Variants in PDZD8 observed in about 807,000 individuals in gnomAD.
PDZD8 encodes PDZ domain containing 8, also known as PDZ domain-containing protein 8.
Under a neutral mutation model 85.8 loss-of-function variants are expected in PDZD8, and 14 were observed. The observed-to-expected ratio is 0.16, with a 90% CI of 0.11 to 0.26. PDZD8 has a LOEUF of 0.26. Among genes scored for constraint, PDZD8 ranks in the 10% least tolerant of loss-of-function variants. The pLI, the probability that PDZD8 is intolerant of heterozygous loss-of-function variation, is 1.00. For synonymous variants in PDZD8, 592 were observed against 568.6 expected (o/e 1.04, Z -0.59); for missense variants, 1,197 against 1,424.3 (o/e 0.84, Z 2.57).
rs113054605 is a variant in PDZD8, at chr10:117,314,440, T to C, written c.1098+4432A>G. The stretch of plus-strand genomic sequence containing the variant: ...CTATCTAAAGCCCTTCTTATAACGG[T>C]TGCCAGTTAATACCATGTAACACTC... On this transcript the variant is annotated intron_variant, in intron 3 of 4. Coordinates refer to ENST00000334464, the MANE Select transcript of PDZD8 (RefSeq NM_173791.5). Among the ~76,000 whole-genome samples, 537 of 152,314 alleles carry C rather than the reference T, an allele frequency of 3.5e-3. 8 individuals are homozygous for C. Among genetic ancestry groups the C allele is most frequent in the African/African-American group, 0.012 (514 of 41,566 alleles).
chr10:117,375,103 CCCGCGCGGGCGG>C lies in PDZD8; in HGVS notation c.113_124del (p.Ala38_Ala41del). On this transcript the variant is annotated inframe_deletion, in exon 1 of 5. Coordinates refer to ENST00000334464, the MANE Select transcript of PDZD8 (RefSeq NM_173791.5). ...TGGCTTGATGTAGCGGAAGCCCTCG[CCCGCGCGGGCGG>C]CCTCGTCCGCCGGCGGCTCGGGCTG... 1 of 1,595,942 alleles carries C rather than the reference CCCGCGCGGGCGG, an allele frequency of 6.3e-7. No homozygotes were observed. The highest frequency in any genetic ancestry group is 8.5e-7 in the Non-Finnish European group (1 of 1,176,134).
At chr10:117,341,239 C>A in intron 1 of PDZD8, 137 bp from the exon 2 acceptor site, 3 of 868,730 alleles carry the variant, frequency 3.5e-6, no homozygotes, top group Non-Finnish European at 5.1e-6. Flanking sequence ...CCAAAGCTTA[C>A]CACACTCCCC....
chr10:117,329,592 A>C (rs187509643), intron 2 of PDZD8, among the ~76,000 whole-genome samples: 2 of 152,268 alleles, frequency 1.3e-5, no homozygotes, highest in Non-Finnish European at 2.9e-5. Flanking sequence ...AGATGAAACC[A>C]ATGAGAAAAG....
chr10:117,365,963 C>A (rs1480124524), intron 1 of PDZD8, among the ~76,000 whole-genome samples: 1 of 151,972 alleles, frequency 6.6e-6, no homozygotes. Context: ...GTAATAAGAA[C>A]TCTAACTTGA....
At chr10:117,311,615 T>A (rs1417661700) in intron 3 of PDZD8, among the ~76,000 whole-genome samples, 2 of 152,114 alleles carry the variant, frequency 1.3e-5, no homozygotes, top group African/African-American at 4.8e-5. Flanking sequence ...AGGAGTTTCA[T>A]GATAGTTAGG....
At chr10:117,350,555 C>T (rs1246296712) in intron 1 of PDZD8, among the ~76,000 whole-genome samples, 3 of 151,056 alleles carry the variant, frequency 2.0e-5, no homozygotes, top group Admixed American at 6.6e-5. Flanking sequence ...GGAGCCACCA[C>T]GCTTGGCCCC....
At chr10:117,333,511 A>G (rs1188985237) in intron 2 of PDZD8, among the ~76,000 whole-genome samples, 1 of 152,242 alleles carries the variant, frequency 6.6e-6, no homozygotes, top group Non-Finnish European at 1.5e-5. Context: ...AAATATTATT[A>G]TTTAGCCTCA....
Position 117,374,090 on chromosome 10 carries a change from G to A in PDZD8, c.872+266C>T, listed in dbSNP as rs76952862. 0.039 allele frequency among the ~76,000 whole-genome samples: 5,975 copies of A among 152,252 alleles called. 162 individuals are homozygous for A. Among genetic ancestry groups the A allele is most frequent in the South Asian group, 0.082 (396 of 4,826 alleles). ...GCTTCCCTTCCATTTCCAATATGCT[G>A]CTTATAAAAGGAGACGATTCTGCCC... On this transcript the variant is annotated intron_variant, in intron 1 of 4. Coordinates refer to ENST00000334464, the MANE Select transcript of PDZD8 (RefSeq NM_173791.5). This position sits in a 1 kb window ranked among gnomAD's most constrained non-coding sequence, Gnocchi z 7.8.
intron 3 of PDZD8, among the ~76,000 whole-genome samples, chr10:117,290,864 C>CTTTTTTTTT (rs145614241): frequency 1.6e-5 from 2 of 123,560 alleles, no homozygotes; most frequent in African/African-American, 3.3e-5. Flanking sequence ...ATGGTGTATC[C>CTTTTTTTTT]TTTTTTTTTT....
chr10:117,291,460 C>A (rs1443367950), intron 3 of PDZD8, among the ~76,000 whole-genome samples: 1 of 150,530 alleles, frequency 6.6e-6, no homozygotes, highest in African/African-American at 2.4e-5. Context: ...ACCCGGGAGG[C>A]AGAGGTTGAA....
Position 117,299,793 on chromosome 10 carries a change from C to A in PDZD8, c.1099-9445G>T, listed in dbSNP as rs570619788. Among the ~76,000 whole-genome samples, 31 of 152,110 alleles carry A rather than the reference C, an allele frequency of 2.0e-4. No homozygotes were observed. The South Asian group carries it at 5.8e-3, about 29-fold the overall frequency. On this transcript the variant is annotated intron_variant, in intron 3 of 4. Transcript: ENST00000334464. ...ATTCCTTGAATAGCTTAATAATCAACCCCCTGAATTCTTTATCTGGAATTC... is the reference window on the plus strand; with the variant it reads ...ATTCCTTGAATAGCTTAATAATCAAACCCCTGAATTCTTTATCTGGAATTC...
At chr10:117,321,605 C>T (rs1038661968) in intron 2 of PDZD8, among the ~76,000 whole-genome samples, 1 of 151,922 alleles carries the variant, frequency 6.6e-6, no homozygotes, top group Non-Finnish European at 1.5e-5. Context: ...AAATCAGTTA[C>T]TTGTATATTT....
At chr10:117,321,027 T>C (rs1423999809) in intron 2 of PDZD8, among the ~76,000 whole-genome samples, 1 of 152,156 alleles carries the variant, frequency 6.6e-6, no homozygotes, top group Non-Finnish European at 1.5e-5. Context: ...GAAATTAGAA[T>C]GCTCATACAT....
At chr10:117,292,439 T>C (rs1403430575) in intron 3 of PDZD8, among the ~76,000 whole-genome samples, 1 of 152,206 alleles carries the variant, frequency 6.6e-6, no homozygotes. Context: ...ATTCTTAATA[T>C]ACAGATTGCC....
chr10:117,350,450 G>T (rs1441552744), intron 1 of PDZD8, among the ~76,000 whole-genome samples: 1 of 150,908 alleles, frequency 6.6e-6, no homozygotes, highest in Non-Finnish European at 1.5e-5. Flanking sequence ...ATTTTTAGTA[G>T]AGACGAGGTT....
intron 1 of PDZD8, among the ~76,000 whole-genome samples, chr10:117,364,230 GTC>G (rs1164566008): frequency 6.6e-6 from 1 of 151,528 alleles, no homozygotes; most frequent in African/African-American, 2.4e-5. Context: ...GTGTCTGTGT[GTC>G]TGTCTGTCTA....
intron 2 of PDZD8, among the ~76,000 whole-genome samples, chr10:117,323,831 C>T (rs1330014528): frequency 6.6e-5 from 10 of 152,086 alleles, no homozygotes; most frequent in African/African-American, 1.7e-4. Context: ...TCCAGACCTG[C>T]GTGCTAGAGA....
chr10:117,368,700 T>C (rs770535705), intron 1 of PDZD8, among the ~76,000 whole-genome samples: 5 of 151,974 alleles, frequency 3.3e-5, no homozygotes, highest in Non-Finnish European at 5.9e-5. Flanking sequence ...TAATGACCCA[T>C]TCCACTAAAG....
Position 117,283,420 on chromosome 10 carries a change from C to T in PDZD8, c.3313G>A (p.Glu1105Lys). The T allele has an allele frequency of 1.2e-6, 2 of 1,614,088 alleles. No homozygotes were observed. Among genetic ancestry groups the T allele is most frequent in the South Asian group, 1.1e-5 (1 of 91,084 alleles). ...RAGIEDIETL[E>K]SLSLDQHSKK... ...GAGTGCTGGTCTAAAGACAGACTTT[C>T]TAAAGTTTCTATATCTTCAATGCCT... Residue 1105 changes from glutamate (E) to lysine (K), a missense_variant, in exon 5 of 5, where the codon GAA becomes AAA. Coordinates refer to ENST00000334464, the MANE Select transcript of PDZD8 (RefSeq NM_173791.5).
Sources: allele counts gnomAD v4.1 joint callset (sites outside exome capture counted in the v4.1 genomes callset), GRCh38; gene constraint gnomAD v4.1.1; non-coding constraint Gnocchi (gnomAD v3.1); transcripts MANE v1.5; gene names NCBI Gene and HGNC (gene_info 2026-07-23, HGNC 2026-07-21).